Variants in SLC13A3 observed in about 807,000 individuals in gnomAD.
SLC13A3 encodes the protein solute carrier family 13 member 3.
A neutral mutation model predicts 59.0 loss-of-function variants in SLC13A3; 40 were observed. The observed-to-expected ratio is 0.68, with a 90% confidence interval of 0.53 to 0.88. SLC13A3 has a LOEUF of 0.88. Among genes scored for constraint, SLC13A3 ranks in the 40% least tolerant of loss-of-function variants. SLC13A3 has a pLI of 0.00. For synonymous variants in SLC13A3, 317 were observed against 330.3 expected (o/e 0.96, Z 0.44); for missense variants, 699 against 783.2 (o/e 0.89, Z 1.28).
rs2062483093 is a variant in SLC13A3 at position 46,610,480 on chromosome 20, T to C, written c.507A>G (p.Arg169=). The change falls in exon 3 of 13, where the codon CGA becomes CGG. Residue 169 remains arginine, a synonymous_variant. Coordinates refer to ENST00000279027, the MANE Select transcript of SLC13A3 (RefSeq NM_022829.6). Reference sequence around the variant, plus strand: ...CTTCACTCTCCTGGCTGGGGTCCTTTCGAACCTCCTTCTGGCCAAAGAGAC... The same window carrying C: ...CTTCACTCTCCTGGCTGGGGTCCTTCCGAACCTCCTTCTGGCCAAAGAGAC... ...LKSLFGQKEV[R]KDPSQESEEN... 6.2e-7 allele frequency: 1 copy of C among 1,613,936 alleles called. No individual in the cohort carries two copies. The highest frequency in any genetic ancestry group is 1.1e-5 in the South Asian group (1 of 91,060).
At chr20:46,648,090 T>C (rs1434390760) in intron 1 of SLC13A3, among the ~76,000 whole-genome samples, 1 of 152,214 alleles carries the variant, frequency 6.6e-6, no homozygotes, top group Non-Finnish European at 1.5e-5. Context: ...CACCAGCCTC[T>C]GTTTGGGGAG....
At chr20:46,592,965 A>G (rs943428166) in intron 5 of SLC13A3, among the ~76,000 whole-genome samples, 2 of 152,250 alleles carry the variant, frequency 1.3e-5, no homozygotes, top group African/African-American at 4.8e-5. Context: ...ACAATTCATG[A>G]AAATGTTTTA....
chr20:46,575,450 T>A (rs1269448210), intron 10 of SLC13A3, 123 bp downstream of exon 10: 1 of 517,670 alleles, frequency 1.9e-6, no homozygotes. Flanking sequence ...GTGAGGAAAC[T>A]GGCTGTGCCC....
intron 3 of SLC13A3, chr20:46,609,037 G>A: frequency 6.4e-7 from 1 of 1,550,544 alleles, no homozygotes; most frequent in Non-Finnish European, 8.7e-7. Flanking sequence ...TCCTCAGAGA[G>A]GAAAGTATTG....
At chr20:46,652,734 A>C (rs979049447), upstream of SLC13A3, among the ~76,000 whole-genome samples, 15 of 151,684 alleles carry the variant, frequency 9.9e-5, no homozygotes, top group African/African-American at 3.4e-4. Context: ...AGTCACTTCT[A>C]TTCACTTCTG....
chr20:46,595,412 C>T lies in SLC13A3; in HGVS notation c.794+745G>A, dbSNP rs193079822. Among the ~76,000 whole-genome samples the T allele has an allele frequency of 1.3e-3, 200 of 152,178 alleles. 2 individuals are homozygous for T. In the East Asian group the frequency reaches 0.026, roughly 20 times the overall value. On this transcript the variant is annotated intron_variant, in intron 5 of 12. Coordinates refer to ENST00000279027, the MANE Select transcript of SLC13A3 (RefSeq NM_022829.6). ...CTTTCTTTTATCCTCGTGCCCTGAC[C>T]GGCCACCCAGTCACTGCTGACCACT...
At chr20:46,584,431 G>A (rs2062171875) in intron 8 of SLC13A3, 4 of 985,286 alleles carry the variant, frequency 4.1e-6, no homozygotes, top group South Asian at 4.7e-5. Flanking sequence ...GTAGACCCTG[G>A]CCTGAAACTC....
chr20:46,660,593 G>A, intron 1 of SLC13A3, among the ~76,000 whole-genome samples: 1 of 152,092 alleles, frequency 6.6e-6, no homozygotes, highest in Non-Finnish European at 1.5e-5. Flanking sequence ...TCAGCAGTTT[G>A]ACTGAAACGT....
At chr20:46,673,850 G>T (rs1052030706), upstream of SLC13A3, 11 of 152,170 alleles carry the variant, frequency 7.2e-5, no homozygotes, top group Non-Finnish European at 2.9e-5. Context: ...TTACTGTTAG[G>T]AATATCAGTC....
chr20:46,670,737 G>T (rs778546301), upstream of SLC13A3, among the ~76,000 whole-genome samples: 1 of 152,086 alleles, frequency 6.6e-6, no homozygotes, highest in Non-Finnish European at 1.5e-5. Flanking sequence ...ACCCAACTGA[G>T]CCCAGTCAAT....
chr20:46,643,204 A>T (rs778502531), intron 1 of SLC13A3, among the ~76,000 whole-genome samples: 2 of 151,940 alleles, frequency 1.3e-5, no homozygotes, highest in Non-Finnish European at 2.9e-5. Flanking sequence ...GGAAGGGGGG[A>T]AGGGGGTTAA....
At chr20:46,627,447 G>A (rs2062685146) in intron 1 of SLC13A3, among the ~76,000 whole-genome samples, 1 of 152,094 alleles carries the variant, frequency 6.6e-6, no homozygotes, top group Admixed American at 6.5e-5. Context: ...GGGAACACAG[G>A]GGCCTCCCCT....
chr20:46,587,341 A>G (rs1044887688), intron 8 of SLC13A3, among the ~76,000 whole-genome samples: 4 of 152,268 alleles, frequency 2.6e-5, no homozygotes, highest in African/African-American at 9.6e-5. Flanking sequence ...CAACCCTCCA[A>G]TGGCTGCCCA....
At chr20:46,659,197 A>G (rs2063012029) in intron 1 of SLC13A3, among the ~76,000 whole-genome samples, 1 of 152,076 alleles carries the variant, frequency 6.6e-6, no homozygotes, top group Non-Finnish European at 1.5e-5. Flanking sequence ...TTATTTTGCT[A>G]TTAGTTTTCT....
intron 1 of SLC13A3, among the ~76,000 whole-genome samples, chr20:46,658,471 A>G (rs987698166): frequency 1.3e-5 from 2 of 152,170 alleles, no homozygotes; most frequent in Non-Finnish European, 2.9e-5. Context: ...CTGATCATTT[A>G]AAATAGGTGA....
intron 3 of SLC13A3, among the ~76,000 whole-genome samples, chr20:46,601,642 G>T (rs2062381664): frequency 6.6e-6 from 1 of 152,222 alleles, no homozygotes; most frequent in African/African-American, 2.4e-5. Flanking sequence ...ACAAGGCAGG[G>T]AAGGAGCCAG....
chr20:46,616,075 G>A (rs1217883748), intron 1 of SLC13A3, among the ~76,000 whole-genome samples: 2 of 152,112 alleles, frequency 1.3e-5, no homozygotes, highest in African/African-American at 4.8e-5. Flanking sequence ...AAAGCAAAAA[G>A]AATAATACAG....
chr20:46,569,500 A>T (rs1174193945), intron 10 of SLC13A3, among the ~76,000 whole-genome samples: 1 of 152,100 alleles, frequency 6.6e-6, no homozygotes, highest in Non-Finnish European at 1.5e-5. Flanking sequence ...CAAGTCACTT[A>T]ACCTCTCTGT....
At chr20:46,632,383 A>C (rs1436087977) in intron 1 of SLC13A3, among the ~76,000 whole-genome samples, 1 of 151,892 alleles carries the variant, frequency 6.6e-6, no homozygotes, top group African/African-American at 2.4e-5. Flanking sequence ...GCGTCAGTTC[A>C]CTCATGGATA....
Sources: gnomAD v4.1 joint callset for allele counts (sites outside exome capture counted in the v4.1 genomes callset) on GRCh38, gnomAD v4.1.1 for gene constraint, MANE v1.5 for transcripts, NCBI Gene and HGNC (gene_info 2026-07-23, HGNC 2026-07-21) for gene names.